Variants in CC2D2B observed in about 807,000 individuals in gnomAD.
CC2D2B encodes the protein coiled-coil and C2 domain containing 2B, also known as protein CC2D2B.
A neutral mutation model predicts 161.2 loss-of-function variants in CC2D2B; 128 were observed. That is an observed-to-expected ratio of 0.79 (90% CI 0.69 to 0.92). The LOEUF (loss-of-function observed/expected upper bound fraction) is 0.92, where lower values mean the gene tolerates loss of function less well. CC2D2B is among the 40% of genes least tolerant of loss of function. CC2D2B has a pLI of 0.00. For synonymous variants in CC2D2B, 391 were observed against 449.8 expected, an observed-to-expected ratio of 0.87 and a Z score of 1.65; for missense variants, 1,173 against 1,375.1, an observed-to-expected ratio of 0.85 and a Z score of 2.32.
At chr10:95,921,243 T>G (rs2098526596) in intron 2 of CC2D2B, 1 of 152,352 alleles carries the variant, frequency 6.6e-6, no homozygotes, top group African/African-American at 2.4e-5. Flanking sequence ...GTGCTCCCTC[T>G]GTGGGCGCTG....
At chr10:96,017,240 G>A (rs1216760957) in intron 30 of CC2D2B, among the ~76,000 whole-genome samples, 1 of 152,148 alleles carries the variant, frequency 6.6e-6, no homozygotes, top group East Asian at 1.9e-4. Flanking sequence ...CTTGCTAAGT[G>A]TCAGTATTTA....
At chr10:96,000,206 T>C (rs1036568390) in intron 24 of CC2D2B, 6 of 1,345,824 alleles carry the variant, frequency 4.5e-6, no homozygotes, top group Middle Eastern at 2.9e-4. Context: ...CTAGAGAACA[T>C]ACATCAGGTG....
At chr10:95,999,770 C>G in intron 24 of CC2D2B, 1 of 229,826 alleles carries the variant, frequency 4.4e-6, no homozygotes, top group Non-Finnish European at 8.5e-6. Flanking sequence ...TTTTTTAACA[C>G]CAATTATGCC....
chr10:95,965,785 TTGTGTGTGTGTGTGTGTGTG>T (rs59230785), intron 12 of CC2D2B, 91 bp from the exon 13 acceptor site: 1 of 343,668 alleles, frequency 2.9e-6, no homozygotes, highest in African/African-American at 2.2e-5. Context: ...GAGATTGGTT[TTGTGTGTGTGTGTGTGTGTG>T]TGTGTGTGTG....
At chr10:96,015,735 AC>A (rs1197454776) in intron 29 of CC2D2B, among the ~76,000 whole-genome samples, 1 of 152,046 alleles carries the variant, frequency 6.6e-6, no homozygotes, top group African/African-American at 2.4e-5. Flanking sequence ...TTAACATCCA[AC>A]TCAGATTTCT....
intron 34 of CC2D2B, among the ~76,000 whole-genome samples, chr10:96,029,412 C>T (rs2079970068): frequency 1.3e-5 from 2 of 150,972 alleles, no homozygotes; most frequent in South Asian, 4.2e-4. Flanking sequence ...ATTACTAGGA[C>T]CATGTTGCAT....
At chr10:95,946,246 C>T (rs1037817491) in intron 9 of CC2D2B, among the ~76,000 whole-genome samples, 21 of 152,164 alleles carry the variant, frequency 1.4e-4, no homozygotes, top group African/African-American at 4.1e-4. Context: ...TTAGTTTTTG[C>T]TCTCCAGTCT....
chr10:95,949,668 A>T (rs1010097133), intron 9 of CC2D2B, among the ~76,000 whole-genome samples: 43 of 99,494 alleles, frequency 4.3e-4, no homozygotes, highest in African/African-American at 1.3e-3. Context: ...AAAAAAAAAA[A>T]TTAAAAAAAA....
At chr10:96,010,812 T>C (rs555549180) in intron 26 of CC2D2B, among the ~76,000 whole-genome samples, 12 of 152,194 alleles carry the variant, frequency 7.9e-5, no homozygotes, top group Non-Finnish European at 1.6e-4. Flanking sequence ...AAGGGCTTAA[T>C]TTAGATTGCC....
In CC2D2B at chr10:96,028,746, C is replaced by T. The variant is rs190319687; in HGVS notation, c.4125+1357C>T. Among the ~76,000 whole-genome samples the T allele has an allele frequency of 6.6e-5, 10 of 152,082 alleles. No homozygotes were observed. The South Asian group carries it at 1.5e-3, about 22-fold the overall frequency. On this transcript the variant is annotated intron_variant, in intron 34 of 34. Coordinates refer to ENST00000646931, the MANE Select transcript of CC2D2B (RefSeq NM_001349008.3). The stretch of plus-strand genomic sequence containing the variant: ...ACCTAAGTGTCCATCAATAGATGAA[C>T]GGATAAGGAAAATGTGGTGGATATA...
chr10:95,923,645 A>T (rs1049067548), intron 3 of CC2D2B, among the ~76,000 whole-genome samples: 2 of 152,162 alleles, frequency 1.3e-5, no homozygotes, highest in African/African-American at 4.8e-5. Flanking sequence ...TGGCCAAAGA[A>T]GGGCTCTGGC....
At chr10:95,939,456 ATCT>A (rs1322948630) in intron 9 of CC2D2B, among the ~76,000 whole-genome samples, 4 of 148,106 alleles carry the variant, frequency 2.7e-5, no homozygotes, top group Admixed American at 1.4e-4. Context: ...AAATTTGCAC[ATCT>A]TCTGATAACT....
At chr10:96,028,172 G>A (rs2079865047) in intron 34 of CC2D2B, among the ~76,000 whole-genome samples, 2 of 152,030 alleles carry the variant, frequency 1.3e-5, no homozygotes, top group South Asian at 4.1e-4. Flanking sequence ...GCACAGCAAA[G>A]GAAGCAATCA....
chr10:96,017,074 A>G (rs767464384), intron 30 of CC2D2B, among the ~76,000 whole-genome samples: 3 of 152,176 alleles, frequency 2.0e-5, no homozygotes, highest in Non-Finnish European at 4.4e-5. Flanking sequence ...ACTTCTCCTC[A>G]TGCTCCATTG....
intron 24 of CC2D2B, among the ~76,000 whole-genome samples, chr10:96,003,586 T>TATTGTGTGTG: frequency 7.8e-6 from 1 of 127,736 alleles, no homozygotes; most frequent in South Asian, 2.7e-4. Context: ...GCCCGGCTAA[T>TATTGTGTGTG]TGTGTGTGTG....
At chr10:96,019,466 A>T in intron 31 of CC2D2B, 129 bp downstream of exon 31, 2 of 928,156 alleles carry the variant, frequency 2.2e-6, no homozygotes, top group African/African-American at 3.3e-5. Flanking sequence ...GGCCGGGGCA[A>T]TCTTTTATCA....
intron 30 of CC2D2B, among the ~76,000 whole-genome samples, chr10:96,018,384 T>A (rs1162536427): frequency 1.3e-5 from 2 of 152,250 alleles, no homozygotes; most frequent in Non-Finnish European, 2.9e-5. Context: ...TTTAATTTAA[T>A]GGCTTTTTAA....
Position 95,950,092 on chromosome 10 carries a change from T to G in CC2D2B, c.998T>G (p.Leu333Arg). 2.5e-6 allele frequency: 1 copy of G among 398,784 alleles called. No homozygotes were observed. The highest frequency in any genetic ancestry group is 4.4e-6 in the Non-Finnish European group (1 of 225,910). The allele number at this position is 398,784 out of a possible 1,614,324, so 24.7% of individuals were successfully genotyped here. A position where few individuals can be genotyped will look rare whatever the true frequency, so the allele number is the denominator to read the frequency against. Residue 333 changes from leucine to arginine, a missense_variant, in exon 10 of 35, where the codon CTG becomes CGG. Around this residue, in one of 3 missense-constraint regions of CC2D2B, gnomAD observed 298 missense variants for 261.2 expected, o/e 1.14. Transcript: ENST00000646931. ...QDRQQQNVSQLLYEKLKALTD... is the reference protein window; with the variant it reads ...QDRQQQNVSQRLYEKLKALTD... Reference sequence around the variant, plus strand: ...AGGCAGCAACAGAATGTATCTCAGCTGCTTTATGAGAAGGTGAGAATGGCT... The same window carrying G: ...AGGCAGCAACAGAATGTATCTCAGCGGCTTTATGAGAAGGTGAGAATGGCT...
At chr10:95,999,035 C>T (rs180802213) in intron 24 of CC2D2B, among the ~76,000 whole-genome samples, 191 of 152,098 alleles carry the variant, frequency 1.3e-3, no homozygotes, top group Non-Finnish European at 2.5e-3. Context: ...GAACAGAGAT[C>T]GCGCCACTGC....
Sources: allele counts gnomAD v4.1 joint callset (sites outside exome capture counted in the v4.1 genomes callset), GRCh38; gene constraint gnomAD v4.1.1; regional missense constraint gnomAD v4.1.1; transcripts MANE v1.5; gene names NCBI Gene and HGNC (gene_info 2026-07-23, HGNC 2026-07-21).